The following PER2 variants were observed in gnomAD, a reference collection of about 807,000 sequenced individuals.
PER2 encodes period circadian protein homolog 2.
Under a neutral mutation model 121.0 loss-of-function variants are expected in PER2, and 66 were observed. That is an observed-to-expected ratio of 0.55 (90% confidence interval 0.45 to 0.67). The LOEUF (loss-of-function observed/expected upper bound fraction) is 0.67, where lower values mean the gene tolerates loss of function less well. PER2 is among the 30% of genes least tolerant of loss of function. The pLI, the probability that PER2 is intolerant of heterozygous loss-of-function variation, is 0.00. For synonymous variants in PER2, 684 were observed against 659.9 expected, an observed-to-expected ratio of 1.04 and a Z score of -0.56; for missense variants, 1,521 against 1,635.0, an observed-to-expected ratio of 0.93 and a Z score of 1.20.
At chr2:238,289,035 T>C (rs1201702762), upstream of PER2, 1 of 152,214 alleles carries the variant, frequency 6.6e-6, no homozygotes, top group Non-Finnish European at 1.5e-5. Flanking sequence ...CTCATCCACT[T>C]CCGGCGTCGG....
At chr2:238,278,691 G>A (rs889865309) in intron 1 of PER2, among the ~76,000 whole-genome samples, 4 of 152,228 alleles carry the variant, frequency 2.6e-5, no homozygotes, top group African/African-American at 9.6e-5. Flanking sequence ...GTTACAGGAG[G>A]AGGAGCCAAG....
Position 238,277,149 on chromosome 2 carries a change from G to A in PER2, c.275C>T (p.Pro92Leu), listed in dbSNP as rs752906835. Reference protein sequence around the residue: ...SLMMAKSEHNPSTSGCSSDQS... With the variant: ...SLMMAKSEHNLSTSGCSSDQS... ...GCCTTACCTGCAGCCACTTGTAGAT[G>A]GGTTGTGTTCAGATTTTGCCATCAT... The change falls in exon 3 of 23, where the codon CCA (proline) becomes CTA (leucine). Residue 92 changes from proline to leucine, a missense_variant. Transcript: ENST00000254657. The A allele has an allele frequency of 1.9e-6, 3 of 1,612,288 alleles. No homozygotes were observed. In the East Asian group the frequency reaches 6.7e-5, roughly 36 times the overall value.
At position 238,287,125 on chromosome 2, in the gene PER2, C is replaced by T. The variant is rs560374336; in HGVS notation, c.-20+1224G>A. Among the ~76,000 whole-genome samples the T allele has an allele frequency of 5.6e-4, 85 of 152,322 alleles. 1 individual carries two copies. Among genetic ancestry groups the T allele is most frequent in the African/African-American group, 2.0e-3 (82 of 41,560 alleles). On this transcript the variant is annotated intron_variant, in intron 1 of 22. Coordinates refer to ENST00000254657, the MANE Select transcript of PER2 (RefSeq NM_022817.3). Reference sequence around the variant, plus strand: ...CCAGCTGGCTGACACAGGGCTCCCCCTTCCCACCTGGCACTCCAGTCTCCA... The same window carrying T: ...CCAGCTGGCTGACACAGGGCTCCCCTTTCCCACCTGGCACTCCAGTCTCCA...
At chr2:238,263,388 T>G (rs1288195124) in intron 9 of PER2, among the ~76,000 whole-genome samples, 1 of 152,242 alleles carries the variant, frequency 6.6e-6, no homozygotes, top group African/African-American at 2.4e-5. Context: ...CATTCATTAG[T>G]TTGGCCACAT....
At chr2:238,278,020 A>AG in intron 1 of PER2, 65 bp from the exon 2 acceptor site, 1 of 1,544,596 alleles carries the variant, frequency 6.5e-7, no homozygotes, top group South Asian at 1.2e-5. Flanking sequence ...TGCAGCCATC[A>AG]GGTAGAGCAC....
intron 1 of PER2, among the ~76,000 whole-genome samples, chr2:238,281,489 T>C (rs1197690151): frequency 6.6e-6 from 1 of 152,206 alleles, no homozygotes; most frequent in African/African-American, 2.4e-5. Context: ...TATTCTAGTC[T>C]TTTTTCTTTA....
intron 6 of PER2, among the ~76,000 whole-genome samples, chr2:238,269,340 C>A (rs12994572): frequency 6.8e-6 from 1 of 146,586 alleles, no homozygotes; most frequent in Non-Finnish European, 1.5e-5. Context: ...AACACACTCA[C>A]GGTGCACTGC....
chr2:238,261,029 C>T (rs1041494064), intron 12 of PER2, 76 bp from the exon 13 acceptor site: 3 of 1,554,742 alleles, frequency 1.9e-6, no homozygotes, highest in Non-Finnish European at 2.6e-6. Context: ...GCCAACACAC[C>T]CTGTTTCGCA....
chr2:238,246,641 C>A, intron 22 of PER2, 117 bp from the exon 23 acceptor site: 1 of 651,036 alleles, frequency 1.5e-6, no homozygotes, highest in Non-Finnish European at 2.8e-6. Context: ...CTTTGGGAGG[C>A]CGAGGCGGGC....
At chr2:238,290,288 C>A (rs1036356638), upstream of PER2, among the ~76,000 whole-genome samples, 1 of 152,038 alleles carries the variant, frequency 6.6e-6, no homozygotes, top group African/African-American at 2.4e-5. Context: ...ACACTCCCCG[C>A]CCCCTCTCCC....
In PER2 at chr2:238,244,588, T is replaced by C. The variant is rs1695395182; in HGVS notation, c.*1787A>G. The C allele has an allele frequency of 2.0e-5, 3 of 152,262 alleles. No homozygotes were observed. The South Asian group carries it at 6.2e-4, about 31-fold the overall frequency. 9.4% of individuals were successfully genotyped at this position (152,262 alleles called of 1,614,324 possible). The stretch of plus-strand genomic sequence containing the variant: ...TAATGGCCATAAGAATGCAGACTGC[T>C]ACCTTATCATAGGCATAGGCAGCTG... On this transcript the variant is annotated 3_prime_UTR_variant, in exon 23 of 23. Coordinates refer to ENST00000254657, the MANE Select transcript of PER2 (RefSeq NM_022817.3).
intron 22 of PER2, among the ~76,000 whole-genome samples, chr2:238,247,011 G>C (rs922110093): frequency 1.3e-5 from 2 of 152,224 alleles, no homozygotes; most frequent in African/African-American, 4.8e-5. Flanking sequence ...TAACTAAGAA[G>C]GGCTCCAGAG....
chr2:238,245,589 A>G lies in PER2; in HGVS notation c.*786T>C. On this transcript the variant is annotated 3_prime_UTR_variant, in exon 23 of 23. Coordinates refer to ENST00000254657, the MANE Select transcript of PER2 (RefSeq NM_022817.3). ...AGTCACCATAAAGAGATGACTGATG[A>G]CATATTTTAATCTCCATATTGGCCA... The G allele has an allele frequency of 2.5e-6, 1 of 398,654 alleles. No homozygotes were observed. The highest frequency in any genetic ancestry group is 4.4e-6 in the Non-Finnish European group (1 of 226,076). 24.7% of individuals were successfully genotyped at this position (398,654 alleles called of 1,614,324 possible).
chr2:238,292,882 C>T (rs1408992143), upstream of PER2, among the ~76,000 whole-genome samples: 12 of 151,634 alleles, frequency 7.9e-5, no homozygotes, highest in African/African-American at 1.7e-4. Context: ...GGATTACAGG[C>T]GCACGTAACC....
intron 1 of PER2, among the ~76,000 whole-genome samples, chr2:238,279,137 T>G (rs1696551253): frequency 1.3e-5 from 2 of 151,950 alleles, no homozygotes; most frequent in African/African-American, 4.8e-5. Flanking sequence ...CCCAGTGATG[T>G]CTCCCCATCC....
chr2:238,284,401 C>T (rs1696721325), intron 1 of PER2, among the ~76,000 whole-genome samples: 1 of 148,536 alleles, frequency 6.7e-6, no homozygotes, highest in African/African-American at 2.5e-5. Context: ...AAGATTGCAC[C>T]ACTGCACTCC....
chr2:238,251,993 G>A (rs759709368), intron 19 of PER2, among the ~76,000 whole-genome samples: 1 of 152,146 alleles, frequency 6.6e-6, no homozygotes, highest in African/African-American at 2.4e-5. Context: ...TTTAATTTTC[G>A]GAGAGTCACA....
intron 1 of PER2, among the ~76,000 whole-genome samples, chr2:238,282,802 T>C (rs1696669330): frequency 6.6e-6 from 1 of 152,170 alleles, no homozygotes; most frequent in Non-Finnish European, 1.5e-5. Context: ...AGTAGGCAAC[T>C]AGCAAGTGGG....
At chr2:238,266,936 G>A (rs905708499) in intron 8 of PER2, among the ~76,000 whole-genome samples, 11 of 151,644 alleles carry the variant, frequency 7.3e-5, no homozygotes, top group African/African-American at 2.7e-4. Flanking sequence ...GTAGTCCCAG[G>A]TACTTGGGAG....
Sources: allele counts gnomAD v4.1 joint callset (sites outside exome capture counted in the v4.1 genomes callset), GRCh38; gene constraint gnomAD v4.1.1; transcripts MANE v1.5; gene names NCBI Gene and HGNC (gene_info 2026-07-23, HGNC 2026-07-21).